The following CEP128 variants were observed in gnomAD, a reference collection of about 807,000 sequenced individuals.
CEP128 encodes the protein centrosomal protein 128.
In CEP128, 132 loss-of-function variants were observed where a neutral mutation model predicts 156.7. That is an observed-to-expected ratio of 0.84 (90% CI 0.73 to 0.97). CEP128 has a LOEUF of 0.97. CEP128 is among the 50% of genes least tolerant of loss of function. CEP128 has a pLI of 0.00. For synonymous variants in CEP128, 469 were observed against 448.9 expected (o/e 1.04, Z -0.57); for missense variants, 1,252 against 1,281.9 (o/e 0.98, Z 0.36).
intron 19 of CEP128, among the ~76,000 whole-genome samples, chr14:80,656,307 A>ATATT (rs1402196218): frequency 9.1e-4 from 12 of 13,128 alleles, no homozygotes; most frequent in African/African-American, 3.6e-3. Flanking sequence ...ATATATATAT[A>ATATT]TATATATATA....
chr14:80,635,082 T>A (rs541905969), intron 19 of CEP128, among the ~76,000 whole-genome samples: 24 of 152,332 alleles, frequency 1.6e-4, no homozygotes, highest in Admixed American at 7.2e-4. Flanking sequence ...CAGTTCTCTC[T>A]GATCAATCCC....
intron 19 of CEP128, among the ~76,000 whole-genome samples, chr14:80,736,112 T>A (rs1898515491): frequency 6.6e-6 from 1 of 152,088 alleles, no homozygotes; most frequent in Admixed American, 6.6e-5. Flanking sequence ...GTATGCAACA[T>A]TATAGAAAAG....
intron 19 of CEP128, among the ~76,000 whole-genome samples, chr14:80,640,376 C>T (rs1894357564): frequency 6.6e-6 from 1 of 152,156 alleles, no homozygotes; most frequent in Non-Finnish European, 1.5e-5. Context: ...TTGACTGTCT[C>T]ATTTTCTATT....
intron 23 of CEP128, among the ~76,000 whole-genome samples, chr14:80,524,606 T>C (rs944778179): frequency 2.0e-5 from 3 of 152,168 alleles, no homozygotes; most frequent in African/African-American, 4.8e-5. Context: ...AAAACGACCA[T>C]TGGTATCTAC....
intron 19 of CEP128, among the ~76,000 whole-genome samples, chr14:80,718,263 T>C (rs1034213966): frequency 1.2e-4 from 18 of 152,188 alleles, no homozygotes; most frequent in Admixed American, 3.3e-4. Context: ...AACTCTAATA[T>C]AGAGATGATT....
chr14:80,815,248 T>A (rs1338998729), intron 13 of CEP128, among the ~76,000 whole-genome samples: 1 of 152,028 alleles, frequency 6.6e-6, no homozygotes, highest in Non-Finnish European at 1.5e-5. Context: ...CATTAAAAAG[T>A]GGACAAAGAA....
At chr14:80,850,163 G>A (rs1886816166) in intron 9 of CEP128, among the ~76,000 whole-genome samples, 1 of 152,082 alleles carries the variant, frequency 6.6e-6, no homozygotes, top group Non-Finnish European at 1.5e-5. Context: ...AAATACAGCA[G>A]GTGTCTTCAT....
At chr14:80,833,164 T>C (rs1885897294) in intron 12 of CEP128, among the ~76,000 whole-genome samples, 1 of 151,970 alleles carries the variant, frequency 6.6e-6, no homozygotes, top group African/African-American at 2.4e-5. Flanking sequence ...TAAATATATG[T>C]ATTTTATTTT....
At chr14:80,529,642 A>G (rs996051778) in intron 22 of CEP128, among the ~76,000 whole-genome samples, 2 of 152,206 alleles carry the variant, frequency 1.3e-5, no homozygotes, top group Non-Finnish European at 2.9e-5. Flanking sequence ...ATTTAGTTAC[A>G]GAGAAAAAAA....
intron 23 of CEP128, among the ~76,000 whole-genome samples, chr14:80,520,398 G>A (rs865776378): frequency 2.7e-4 from 40 of 149,922 alleles, no homozygotes; most frequent in African/African-American, 9.5e-4. Flanking sequence ...CAGCCTGGGT[G>A]ACAGAGCGAG....
chr14:80,688,010 C>T (rs1417761813), intron 19 of CEP128, among the ~76,000 whole-genome samples: 3 of 152,026 alleles, frequency 2.0e-5, no homozygotes, highest in Non-Finnish European at 2.9e-5. Flanking sequence ...CTGATAGTTG[C>T]TTCATGTTAA....
At chr14:80,859,625 G>A (rs1028356887) in intron 9 of CEP128, among the ~76,000 whole-genome samples, 4 of 152,118 alleles carry the variant, frequency 2.6e-5, no homozygotes, top group African/African-American at 9.7e-5. Context: ...ATGAGTAGCT[G>A]AGGCTCAAAA....
chr14:80,643,033 C>T (rs574231045), intron 19 of CEP128, among the ~76,000 whole-genome samples: 1 of 152,110 alleles, frequency 6.6e-6, no homozygotes. Flanking sequence ...GGATTACAGG[C>T]GTGAGCCACC....
downstream of CEP128, among the ~76,000 whole-genome samples, chr14:80,491,739 G>A (rs1278851276): frequency 6.6e-6 from 1 of 152,048 alleles, no homozygotes; most frequent in Non-Finnish European, 1.5e-5. Context: ...AGAACATGAA[G>A]GATTACTGCA....
chr14:80,652,564 T>C (rs1244261621), intron 19 of CEP128, among the ~76,000 whole-genome samples: 1 of 152,166 alleles, frequency 6.6e-6, no homozygotes, highest in Admixed American at 6.5e-5. Flanking sequence ...AGAAGACGTT[T>C]ATGCAGCCAA....
chr14:80,614,804 T>C (rs1189717771), intron 19 of CEP128, among the ~76,000 whole-genome samples: 1 of 152,214 alleles, frequency 6.6e-6, no homozygotes. Context: ...TCTGCTCATG[T>C]AATAGCATTC....
At chr14:80,607,818 A>T (rs918001774) in intron 19 of CEP128, among the ~76,000 whole-genome samples, 1 of 152,168 alleles carries the variant, frequency 6.6e-6, no homozygotes, top group Admixed American at 6.6e-5. Flanking sequence ...TTTATAGATT[A>T]TACAATAGCT....
intron 6 of CEP128, among the ~76,000 whole-genome samples, chr14:80,903,166 A>G (rs1340842390): frequency 6.6e-6 from 1 of 152,110 alleles, no homozygotes; most frequent in Non-Finnish European, 1.5e-5. Flanking sequence ...AGATGCATCA[A>G]TCTACGAACA....
chr14:80,910,618 C>T (rs552348983), intron 4 of CEP128, among the ~76,000 whole-genome samples: 3 of 152,252 alleles, frequency 2.0e-5, no homozygotes, highest in South Asian at 4.1e-4. Context: ...GCCTGTGGAA[C>T]GGTGAGCCAA....
Sources: allele counts gnomAD v4.1 joint callset (sites outside exome capture counted in the v4.1 genomes callset), GRCh38; gene constraint gnomAD v4.1.1; transcripts MANE v1.5; gene names NCBI Gene and HGNC (gene_info 2026-07-23, HGNC 2026-07-21).